Variants in MED13L observed in about 807,000 individuals in gnomAD.
The protein encoded by MED13L is mediator complex subunit 13L.
Under a neutral mutation model 220.9 loss-of-function variants are expected in MED13L, and 7 were observed. That is an observed-to-expected ratio of 0.03 (90% CI 0.02 to 0.06). The LOEUF is 0.06. MED13L is among the 10% of genes least tolerant of loss of function. The pLI, the probability that MED13L is intolerant of heterozygous loss-of-function variation, is 1.00. For missense variants in MED13L, 1,965 were observed against 2,760.5 expected, an observed-to-expected ratio of 0.71 and a Z score of 6.46; for synonymous variants, 1,011 against 1,015.2, an observed-to-expected ratio of 1.00 and a Z score of 0.08.
At chr12:116,111,609 G>A in intron 2 of MED13L, 97 bp from the exon 3 acceptor site, 1 of 895,870 alleles carries the variant, frequency 1.1e-6, no homozygotes, top group Non-Finnish European at 1.7e-6. Context: ...CAAAGTTCAT[G>A]AGTTAATTTA....
intron 2 of MED13L, among the ~76,000 whole-genome samples, chr12:116,144,106 G>A (rs1877293660): frequency 6.6e-6 from 1 of 152,174 alleles, no homozygotes; most frequent in Non-Finnish European, 1.5e-5. Context: ...GATTCTGACT[G>A]AGCTGAGAAA....
intron 1 of MED13L, chr12:116,276,307 T>G: frequency 6.5e-6 from 3 of 463,740 alleles, no homozygotes; most frequent in East Asian, 1.0e-4. Context: ...GCTTGTTGCT[T>G]TTGTGTGTGT....
At chr12:116,129,709 G>C (rs1417645049) in intron 2 of MED13L, among the ~76,000 whole-genome samples, 1 of 152,160 alleles carries the variant, frequency 6.6e-6, no homozygotes, top group Non-Finnish European at 1.5e-5. Flanking sequence ...AGGAGTTCGA[G>C]ACCAGCCTGG....
At chr12:116,055,589 A>G (rs1868883856) in intron 4 of MED13L, among the ~76,000 whole-genome samples, 1 of 152,186 alleles carries the variant, frequency 6.6e-6, no homozygotes, top group Non-Finnish European at 1.5e-5. Context: ...ATAGCTGGGA[A>G]GGCCTTTAGA....
At chr12:116,271,632 A>C (rs1873359574) in intron 1 of MED13L, among the ~76,000 whole-genome samples, 2 of 152,092 alleles carry the variant, frequency 1.3e-5, no homozygotes, top group Admixed American at 6.5e-5. Context: ...TCTCAAAAAA[A>C]AAAAAAAAAG....
At chr12:116,109,890 T>C (rs572394784) in intron 3 of MED13L, among the ~76,000 whole-genome samples, 21 of 152,264 alleles carry the variant, frequency 1.4e-4, no homozygotes, top group African/African-American at 4.8e-4. Context: ...GAATGAGAAA[T>C]AGAGAAATCT....
At position 115,959,255 on chromosome 12, in the gene MED13L, A is replaced by T. The variant is rs1393557320; in HGVS notation, c.*2011T>A. On this transcript the variant is annotated 3_prime_UTR_variant, in exon 31 of 31. Transcript: ENST00000281928. Reference sequence around the variant, plus strand: ...AAACTTAAATAAAAGACACCAGATGAAAACTACCCTTTGCTGCCATTTTTT... The same window carrying T: ...AAACTTAAATAAAAGACACCAGATGTAAACTACCCTTTGCTGCCATTTTTT... 6.6e-6 allele frequency: 1 copy of T among 152,556 alleles called. No individual in the cohort carries two copies. Among genetic ancestry groups the T allele is most frequent in the Non-Finnish European group, 1.5e-5 (1 of 68,030 alleles). 9.5% of individuals were successfully genotyped at this position (152,556 alleles called of 1,614,324 possible). A position where few individuals can be genotyped will look rare whatever the true frequency, so the allele number is the denominator to read the frequency against.
intron 4 of MED13L, among the ~76,000 whole-genome samples, chr12:116,029,744 A>C (rs1444918026): frequency 3.3e-5 from 5 of 152,192 alleles, no homozygotes; most frequent in Non-Finnish European, 5.9e-5. Flanking sequence ...AGAAATATAC[A>C]CAGAAAAAAT....
At chr12:116,101,470 G>C (rs922570347) in intron 3 of MED13L, among the ~76,000 whole-genome samples, 6 of 152,076 alleles carry the variant, frequency 3.9e-5, no homozygotes, top group Non-Finnish European at 8.8e-5. Context: ...CTAATCACGG[G>C]TAGTCTTGTA....
At position 116,008,734 on chromosome 12, in the gene MED13L, C is replaced by G. The variant is rs1320270864; in HGVS notation, c.1679G>C (p.Ser560Thr). Residue 560 changes from serine to threonine, a missense_variant, in exon 10 of 31, where the codon AGC becomes ACC. Ser to Thr is a moderately conservative substitution (Grantham distance 58, BLOSUM62 1). Around this residue, in one of 10 missense-constraint regions of MED13L, gnomAD observed 818 missense variants for 1,041.2 expected, o/e 0.79. Transcript: ENST00000281928. ...TGTTTCCTGACCTCGTGGCTGAGGG[C>G]TGAGTGTTGGTGGCAGAGGGGATAT... ...SPISPLPPTL[S>T]PQPRGQETES... is the part of the protein sequence containing the mutation. The G allele has an allele frequency of 6.2e-7, 1 of 1,613,970 alleles. No homozygotes were observed. The highest frequency in any genetic ancestry group is 1.1e-5 in the South Asian group (1 of 91,072).
chr12:115,968,421 G>T (rs1427793834), intron 28 of MED13L, among the ~76,000 whole-genome samples: 1 of 152,096 alleles, frequency 6.6e-6, no homozygotes, highest in Non-Finnish European at 1.5e-5. Context: ...ATCTCCTGGC[G>T]GCTCTTGCCA....
intron 1 of MED13L, among the ~76,000 whole-genome samples, chr12:116,251,168 A>G (rs1871516532): frequency 6.6e-6 from 1 of 151,488 alleles, no homozygotes; most frequent in Non-Finnish European, 1.5e-5. Context: ...AAAGGAACTA[A>G]GAACAGATGG....
chr12:116,200,503 A>T (rs1480081233), intron 2 of MED13L, among the ~76,000 whole-genome samples: 1 of 152,226 alleles, frequency 6.6e-6, no homozygotes. Flanking sequence ...AAACTTTCAG[A>T]ATTCATTCAA....
intron 4 of MED13L, among the ~76,000 whole-genome samples, chr12:116,087,272 G>A (rs751518068): frequency 3.3e-5 from 5 of 151,758 alleles, no homozygotes; most frequent in Non-Finnish European, 5.9e-5. Context: ...TCACAAAAAA[G>A]GCAAGCTTAA....
At position 115,961,736 on chromosome 12, in the gene MED13L, G is replaced by A. The variant is rs183820895; in HGVS notation, c.6501-338C>T. On this transcript the variant is annotated intron_variant, in intron 30 of 30. Transcript: ENST00000281928. ...GGAATCCCAGCAACTTTGGGAGGCC[G>A]AGGTGGGGGTGGATCACCTGAGGTC... Among the ~76,000 whole-genome samples, 36 of 152,316 alleles carry A rather than the reference G, an allele frequency of 2.4e-4. No individual in the cohort carries two copies. In the East Asian group the frequency reaches 6.2e-3, roughly 26 times the overall value.
chr12:116,276,989 G>T, intron 1 of MED13L, 71 bp downstream of exon 1: 5 of 1,479,998 alleles, frequency 3.4e-6, no homozygotes, highest in South Asian at 2.4e-5. Flanking sequence ...GGAGAAAGTT[G>T]GTCGGCGGCG....
intron 2 of MED13L, among the ~76,000 whole-genome samples, chr12:116,137,845 T>G (rs1290609049): frequency 6.8e-6 from 1 of 147,184 alleles, no homozygotes; most frequent in African/African-American, 2.6e-5. Context: ...ACCTTTATAA[T>G]GAGGTAATTT....
rs1405042964 is a variant in MED13L at position 116,058,460 on chromosome 12, T to C, written c.480-35859A>G. ...GTATACATACATAAATTAAAATAAA[T>C]GTTGAGATCCTAAGTAAAAAATAGC... On this transcript the variant is annotated intron_variant, in intron 4 of 30. Transcript: ENST00000281928. 1.3e-5 allele frequency among the ~76,000 whole-genome samples: 2 copies of C among 152,210 alleles called. 1 individual carries two copies. Among genetic ancestry groups the C allele is most frequent in the Non-Finnish European group, 2.9e-5 (2 of 68,024 alleles).
At chr12:116,102,146 G>A (rs915182406) in intron 3 of MED13L, among the ~76,000 whole-genome samples, 2 of 152,226 alleles carry the variant, frequency 1.3e-5, no homozygotes, top group African/African-American at 4.8e-5. Context: ...AAATCAGGCT[G>A]TGTGTATGTG....
Sources: allele counts gnomAD v4.1 joint callset (sites outside exome capture counted in the v4.1 genomes callset), GRCh38; gene constraint gnomAD v4.1.1; regional missense constraint gnomAD v4.1.1; transcripts MANE v1.5; gene names NCBI Gene and HGNC (gene_info 2026-07-23, HGNC 2026-07-21).